USH2A: variants seen among roughly 807,000 people sequenced by gnomAD.
USH2A encodes the protein Usher syndrome 2A (autosomal recessive, mild).
In USH2A, 443 loss-of-function variants were observed where a neutral mutation model predicts 538.9. The observed-to-expected ratio is 0.82, with a 90% CI of 0.76 to 0.89. The LOEUF (loss-of-function observed/expected upper bound fraction) is 0.89, where lower values mean the gene tolerates loss of function less well. Ranked by LOEUF, USH2A falls within the 40% of genes least tolerant of loss-of-function variation. The pLI, the probability that USH2A is intolerant of heterozygous loss-of-function variation, is 0.00. For missense variants in USH2A, 6,633 were observed against 6,324.8 expected, an observed-to-expected ratio of 1.05 and a Z score of -1.65; for synonymous variants, 2,413 against 2,273.5, an observed-to-expected ratio of 1.06 and a Z score of -1.75.
At chr1:216,091,322 T>C (rs2032296500) in intron 22 of USH2A, among the ~76,000 whole-genome samples, 1 of 152,202 alleles carries the variant, frequency 6.6e-6, no homozygotes. Flanking sequence ...TTAATGTCAC[T>C]GAACATAGAA....
At chr1:216,093,298 G>A (rs1187164456) in intron 22 of USH2A, among the ~76,000 whole-genome samples, 1 of 152,164 alleles carries the variant, frequency 6.6e-6, no homozygotes, top group Admixed American at 6.5e-5. Flanking sequence ...GCTGGCACCT[G>A]CGGACTATGT....
chr1:215,760,585 T>C (rs1335745210), intron 56 of USH2A, among the ~76,000 whole-genome samples: 2 of 152,098 alleles, frequency 1.3e-5, no homozygotes, highest in African/African-American at 4.8e-5. Context: ...TGATGATATA[T>C]CAAAAACTAA....
At chr1:216,089,348 G>C (rs2032235767) in intron 22 of USH2A, among the ~76,000 whole-genome samples, 1 of 152,060 alleles carries the variant, frequency 6.6e-6, no homozygotes, top group South Asian at 2.1e-4. Flanking sequence ...GTGCACCACA[G>C]TGTACAGATC....
chr1:216,259,796 C>G (rs979134210), intron 11 of USH2A, among the ~76,000 whole-genome samples: 2 of 152,116 alleles, frequency 1.3e-5, no homozygotes, highest in Non-Finnish European at 2.9e-5. Flanking sequence ...GTATTTTCCT[C>G]TTTTTCTCAC....
intron 44 of USH2A, among the ~76,000 whole-genome samples, chr1:215,854,939 A>G (rs1456032186): frequency 6.6e-6 from 1 of 152,304 alleles, no homozygotes; most frequent in East Asian, 1.9e-4. Context: ...GCATTCATCC[A>G]TGCAAGCTTC....
chr1:215,869,862 A>G (rs1325590214), intron 43 of USH2A, among the ~76,000 whole-genome samples: 1 of 152,234 alleles, frequency 6.6e-6, no homozygotes, highest in Non-Finnish European at 1.5e-5. Context: ...TTTTTATAAT[A>G]CTTTAAGAGA....
intron 51 of USH2A, among the ~76,000 whole-genome samples, chr1:215,788,991 C>T (rs1661893189): frequency 6.6e-6 from 1 of 151,756 alleles, no homozygotes; most frequent in South Asian, 2.1e-4. Context: ...AAAGGAATTC[C>T]TGAATTGATA....
At chr1:216,416,296 T>C (rs2039575411) in intron 3 of USH2A, among the ~76,000 whole-genome samples, 1 of 152,158 alleles carries the variant, frequency 6.6e-6, no homozygotes, top group Non-Finnish European at 1.5e-5. Context: ...TTAATTTTCA[T>C]TTGAATAAAT....
intron 32 of USH2A, among the ~76,000 whole-genome samples, chr1:216,019,919 C>A (rs938334603): frequency 1.3e-5 from 2 of 152,152 alleles, no homozygotes; most frequent in South Asian, 2.1e-4. Context: ...GCATCATATG[C>A]AACAGTTGCA....
intron 21 of USH2A, 56 bp from the exon 22 acceptor site, chr1:216,097,269 G>T: frequency 6.2e-7 from 1 of 1,613,136 alleles, no homozygotes; most frequent in South Asian, 1.1e-5. Context: ...GATTCTTTCT[G>T]ATAAATGTAC....
intron 55 of USH2A, among the ~76,000 whole-genome samples, chr1:215,771,040 T>C (rs574666881): frequency 1.2e-3 from 187 of 149,870 alleles, no homozygotes; most frequent in African/African-American, 4.5e-3. Flanking sequence ...TGCTGGAGAA[T>C]TGCTTGAACC....
chr1:216,399,410 G>T (rs73100695), intron 3 of USH2A, among the ~76,000 whole-genome samples: 10,775 of 152,100 alleles, frequency 0.071, 1,006 homozygotes, highest in African/African-American at 0.21. Flanking sequence ...ACTCCCAGTG[G>T]TATTAGTGAG....
At chr1:215,826,498 A>C (rs774033262) in intron 47 of USH2A, among the ~76,000 whole-genome samples, 1 of 152,220 alleles carries the variant, frequency 6.6e-6, no homozygotes, top group Non-Finnish European at 1.5e-5. Flanking sequence ...AGAGGGAAGA[A>C]AAGAGCAAGC....
chr1:215,797,735 C>T (rs1263866972), intron 50 of USH2A, among the ~76,000 whole-genome samples: 2 of 152,118 alleles, frequency 1.3e-5, no homozygotes, highest in African/African-American at 2.4e-5. Flanking sequence ...AATATTAATA[C>T]TCACTGACAA....
intron 37 of USH2A, among the ~76,000 whole-genome samples, chr1:215,958,873 C>A (rs1302043914): frequency 6.6e-6 from 1 of 151,946 alleles, no homozygotes; most frequent in Non-Finnish European, 1.5e-5. Flanking sequence ...TGTTTGATTA[C>A]CCCTAGCAAC....
chr1:216,286,266 T>C (rs1367762470), intron 11 of USH2A, among the ~76,000 whole-genome samples: 3 of 152,174 alleles, frequency 2.0e-5, no homozygotes, highest in Admixed American at 6.6e-5. Context: ...GTTCTAATGA[T>C]AGTGAATTAG....
At chr1:215,847,401 CTAG>C (rs1364794091) in intron 44 of USH2A, among the ~76,000 whole-genome samples, 1 of 151,970 alleles carries the variant, frequency 6.6e-6, no homozygotes, top group Non-Finnish European at 1.5e-5. Context: ...ACCTGTAATC[CTAG>C]TACTTTATGA....
intron 48 of USH2A, among the ~76,000 whole-genome samples, chr1:215,814,121 T>C (rs1662787672): frequency 6.7e-6 from 1 of 149,512 alleles, no homozygotes; most frequent in Non-Finnish European, 1.5e-5. Flanking sequence ...TCAACCATGC[T>C]TTGTGCTCTA....
At chr1:216,148,073 C>A (rs561827387) in intron 21 of USH2A, among the ~76,000 whole-genome samples, 2 of 151,608 alleles carry the variant, frequency 1.3e-5, no homozygotes, top group African/African-American at 4.9e-5. Context: ...CGCCGAGCTT[C>A]GGGTAACTCT....
Sources: gnomAD v4.1 joint callset for allele counts (sites outside exome capture counted in the v4.1 genomes callset) on GRCh38, gnomAD v4.1.1 for gene constraint, MANE v1.5 for transcripts, NCBI Gene and HGNC (gene_info 2026-07-23, HGNC 2026-07-21) for gene names.